BMP1: variants seen among roughly 807,000 people sequenced by gnomAD.
The protein encoded by BMP1 is bone morphogenetic protein 1, also known as mammalian tolloid protein.
In BMP1, 63 loss-of-function variants were observed where a neutral mutation model predicts 116.8. The ratio of observed to expected loss-of-function variants is 0.54; its 90% CI spans 0.44 to 0.67. The LOEUF (loss-of-function observed/expected upper bound fraction) is 0.67. BMP1 is among the 30% of genes least tolerant of loss of function. The pLI is 0.00. For missense variants in BMP1, 1,183 were observed against 1,358.9 expected (o/e 0.87, Z 2.04); for synonymous variants, 536 against 533.4 (o/e 1.00, Z -0.07).
At chr8:22,207,129 G>T in intron 17 of BMP1, 148 bp downstream of exon 17, 1 of 1,428,306 alleles carries the variant, frequency 7.0e-7, no homozygotes, top group Non-Finnish European at 9.5e-7. Context: ...CCCTTTCCCA[G>T]TATAAATTAG....
Position 22,176,984 on chromosome 8 carries a change from G to T in BMP1, c.575G>T (p.Arg192Leu). 6.2e-7 allele frequency: 1 copy of T among 1,611,872 alleles called. No individual in the cohort carries two copies. The highest frequency in any genetic ancestry group is 8.5e-7 in the Non-Finnish European group (1 of 1,179,202). The change falls in exon 5 of 20, where the codon CGC becomes CTC. Residue 192 changes from arginine (R) to leucine (L), a missense_variant. Transcript: ENST00000306385. ...AGGTGCTGCTCCTACGTGGGTCGCC[G>T]CGGCGGGGGCCCCCAGGCCATCTCC... Reference protein sequence around the residue: ...PCGCCSYVGRRGGGPQAISIG... With the variant: ...PCGCCSYVGRLGGGPQAISIG...
chr8:22,200,561 T>C (rs1015562350), intron 15 of BMP1, among the ~76,000 whole-genome samples: 3 of 152,150 alleles, frequency 2.0e-5, no homozygotes, highest in Admixed American at 2.0e-4. Context: ...TATTGGAGAT[T>C]GGAGCTGTGT....
intron 1 of BMP1, among the ~76,000 whole-genome samples, chr8:22,168,373 G>T (rs776253007): frequency 2.0e-5 from 3 of 152,138 alleles, no homozygotes; most frequent in Admixed American, 6.5e-5. Context: ...GCTGCCCCAG[G>T]TGACTAGCCA....
intron 2 of BMP1, among the ~76,000 whole-genome samples, chr8:22,175,147 A>G (rs1385519183): frequency 6.6e-6 from 1 of 152,204 alleles, no homozygotes; most frequent in East Asian, 1.9e-4. Flanking sequence ...GGAAAGCTGC[A>G]TGGAGGGGTC....
chr8:22,194,521 CAA>C lies in BMP1; in HGVS notation c.1376_1377del (p.Lys459SerfsTer10), dbSNP rs1563264538. 6.2e-7 allele frequency: 1 copy of C among 1,614,186 alleles called. No individual in the cohort carries two copies. Among genetic ancestry groups the C allele is most frequent in the African/African-American group, 1.3e-5 (1 of 75,040 alleles). Reference protein sequence around the residue: ...PNYPDDYRPSKVCIWRIQVSE... With the variant: ...PNYPDDYRPSXVCIWRIQVSE... ...ACTACCCAGACGATTACCGGCCCAG[CAA>C]AGTCTGCATCTGGCGGATCCAGGTG... is the stretch of plus-strand genomic sequence containing the variant. On this transcript the variant is annotated frameshift_variant, in exon 11 of 20. Coordinates refer to ENST00000306385, the MANE Select transcript of BMP1 (RefSeq NM_006129.5). LOFTEE classifies it high-confidence loss of function. This position sits in a 1 kb window ranked among gnomAD's most constrained non-coding sequence, Gnocchi z 4.5.
chr8:22,194,442 C>A lies in BMP1; in HGVS notation c.1298-3C>A. The A allele has an allele frequency of 6.2e-7, 1 of 1,614,046 alleles. No homozygotes were observed. The highest frequency in any genetic ancestry group is 8.5e-7 in the Non-Finnish European group (1 of 1,179,960). On this transcript the variant is annotated splice_polypyrimidine_tract_variant and splice_region_variant and intron_variant, in intron 10 of 19. Transcript: ENST00000306385. This position sits in a 1 kb window ranked among gnomAD's most constrained non-coding sequence, Gnocchi z 4.5. ...CTTCCCACCCCATCCTGTGTCCCCA[C>A]AGCCATCTGCGGGGGTGATGTGAAA... is the stretch of plus-strand genomic sequence containing the variant.
chr8:22,169,033 G>C (rs965949304), intron 1 of BMP1, among the ~76,000 whole-genome samples: 1 of 152,118 alleles, frequency 6.6e-6, no homozygotes, highest in East Asian at 1.9e-4. Context: ...GCTGGGCATG[G>C]TGTCATGCAC....
At position 22,194,909 on chromosome 8, in the gene BMP1, C is replaced by G. The variant is rs773280061; in HGVS notation, c.1629C>G (p.Asn543Lys). 6.2e-7 allele frequency: 1 copy of G among 1,608,086 alleles called. No individual in the cohort carries two copies. Among genetic ancestry groups the G allele is most frequent in the Non-Finnish European group, 8.5e-7 (1 of 1,177,792 alleles). The change falls in exon 12 of 20, where the codon AAC (asparagine) becomes AAG (lysine). Residue 543 changes from asparagine to lysine, a missense_variant. Transcript: ENST00000306385. The surrounding 1 kb of genome is among the most constrained non-coding windows in gnomAD (Gnocchi z 4.5). The stretch of plus-strand genomic sequence containing the variant: ...TTAACAAAGCGGGCTTTGCCGTCAA[C>G]TTTTTCAAAGGTGCCTCCTCTGTTA... ...GSINKAGFAVNFFKEVDECSR... is the reference protein window; with the variant it reads ...GSINKAGFAVKFFKEVDECSR...
At chr8:22,209,784 C>T (rs947637546) in intron 19 of BMP1, 89 bp downstream of exon 19, 230 of 1,446,532 alleles carry the variant, frequency 1.6e-4, no homozygotes, top group African/African-American at 1.8e-4. Context: ...CAAGACCTAG[C>T]GCCCACACAG....
At chr8:22,169,456 C>A (rs1828213636) in intron 1 of BMP1, 1 of 152,258 alleles carries the variant, frequency 6.6e-6, no homozygotes, top group Admixed American at 6.5e-5. Context: ...AACACAAGAT[C>A]CTGCACGGGG....
Position 22,194,188 on chromosome 8 carries a change from C to T in BMP1, c.1297+14C>T, listed in dbSNP as rs151163052. 4.1e-3 allele frequency: 6,564 copies of T among 1,610,678 alleles called. 29 individuals are homozygous for T. Among genetic ancestry groups the T allele is most frequent in the African/African-American group, 0.017 (1,290 of 74,924 alleles). The stretch of plus-strand genomic sequence containing the variant: ...CAGTCTACGAAGGTACTGAGGAAGG[C>T]GGCGGGCGGGAGGAGTCAGATAGGA... On this transcript the variant is annotated intron_variant, in intron 10 of 19. Coordinates refer to ENST00000306385, the MANE Select transcript of BMP1 (RefSeq NM_006129.5). The surrounding 1 kb of genome is among the most constrained non-coding windows in gnomAD (Gnocchi z 4.5).
chr8:22,186,502 C>G (rs1828774766), intron 8 of BMP1, among the ~76,000 whole-genome samples: 1 of 152,090 alleles, frequency 6.6e-6, no homozygotes, highest in Non-Finnish European at 1.5e-5. Context: ...GAGTCTCACT[C>G]TGTTGCCCAG....
rs571276543 is a variant in BMP1, at chr8:22,209,654, G to A, written c.2785G>A (p.Asp929Asn). The change falls in exon 19 of 20, where the codon GAC becomes AAC. Residue 929 changes from aspartate (D) to asparagine (N), a missense_variant. Asp to Asn is a conservative substitution (Grantham distance 23, BLOSUM62 1). Around this residue, in one of 4 missense-constraint regions of BMP1, gnomAD observed 956 missense variants for 1,135.2 expected, o/e 0.84. Transcript: ENST00000306385. ...YDYMELFDGY[D>N]STAPRLGRYC... ...CTACATGGAGCTCTTCGACGGCTAC[G>A]ACAGCACAGCCCCCAGGCTGGGGCG... The A allele has an allele frequency of 5.7e-5, 92 of 1,614,120 alleles. No homozygotes were observed. Among genetic ancestry groups the A allele is most frequent in the Non-Finnish European group, 6.7e-5 (79 of 1,180,014 alleles).
At chr8:22,183,283 G>A (rs1178074424) in intron 8 of BMP1, among the ~76,000 whole-genome samples, 1 of 152,186 alleles carries the variant, frequency 6.6e-6, no homozygotes, top group Non-Finnish European at 1.5e-5. Flanking sequence ...TGGGTGTCTG[G>A]TGGGTGTTGG....
intron 16 of BMP1, among the ~76,000 whole-genome samples, chr8:22,203,928 G>A (rs1205194357): frequency 1.3e-5 from 2 of 152,256 alleles, no homozygotes; most frequent in Non-Finnish European, 2.9e-5. Flanking sequence ...CAGGACAGGG[G>A]TGAAGCTCCT....
Position 22,179,246 on chromosome 8 carries a change from T to A in BMP1, c.837-459T>A, listed in dbSNP as rs1469441962. Among the ~76,000 whole-genome samples the A allele has an allele frequency of 6.6e-6, 1 of 152,256 alleles. No homozygotes were observed. On this transcript the variant is annotated intron_variant, in intron 6 of 19. Transcript: ENST00000306385. This position sits in a 1 kb window ranked among gnomAD's most constrained non-coding sequence, Gnocchi z 4.6. ...TGGCCTTGTTCCAGGTGCTTTCAGA[T>A]GCAGCCTGTGCCAGCAGGGTGAGGA...
In BMP1 at chr8:22,199,189, A is replaced by T. The variant is rs1466705996; in HGVS notation, c.2107+1769A>T. ...CACACATTGCCCCATCGCACAAGAA[A>T]CCTGCAGAGGACCCCCACTGGGGGC... On this transcript the variant is annotated intron_variant, in intron 15 of 19. Coordinates refer to ENST00000306385, the MANE Select transcript of BMP1 (RefSeq NM_006129.5). The T allele has an allele frequency of 4.4e-6, 6 of 1,367,526 alleles. No homozygotes were observed. In the Middle Eastern group the frequency reaches 6.3e-4, roughly 144 times the overall value. 84.7% of individuals were successfully genotyped at this position (1,367,526 alleles called of 1,614,324 possible).
chr8:22,199,095 C>T (rs371389520), intron 15 of BMP1: 14 of 1,367,124 alleles, frequency 1.0e-5, no homozygotes, highest in Admixed American at 1.9e-5. Flanking sequence ...ATGCCCTGGT[C>T]GACACTGTGC....
chr8:22,209,972 C>T (rs1030055636), intron 19 of BMP1, among the ~76,000 whole-genome samples: 1 of 152,274 alleles, frequency 6.6e-6, no homozygotes, highest in Non-Finnish European at 1.5e-5. Context: ...CAGTTGGCCA[C>T]GGCCTGGAGC....
Sources: allele counts gnomAD v4.1 joint callset (sites outside exome capture counted in the v4.1 genomes callset), GRCh38; gene constraint gnomAD v4.1.1; regional missense constraint gnomAD v4.1.1; non-coding constraint Gnocchi (gnomAD v3.1); transcripts MANE v1.5; gene names NCBI Gene and HGNC (gene_info 2026-07-23, HGNC 2026-07-21).